Variants in RELB observed in about 807,000 individuals in gnomAD.
RELB encodes transcription factor RelB.
In RELB, 14 loss-of-function variants were observed where a neutral mutation model predicts 55.4. That is an observed-to-expected ratio of 0.25 (90% CI 0.17 to 0.40). The LOEUF (loss-of-function observed/expected upper bound fraction) is 0.40. RELB is among the 10% of genes least tolerant of loss of function. RELB has a pLI of 1.00. For missense variants in RELB, 669 were observed against 830.7 expected, an observed-to-expected ratio of 0.81 and a Z score of 2.39; for synonymous variants, 409 against 371.3, an observed-to-expected ratio of 1.10 and a Z score of -1.17.
chr19:45,010,445 G>C (rs1971336947), intron 3 of RELB, among the ~76,000 whole-genome samples: 2 of 151,838 alleles, frequency 1.3e-5, no homozygotes, highest in South Asian at 4.2e-4. Flanking sequence ...TGATAGCCCG[G>C]TGTGGGAGAC....
At chr19:45,004,689 G>A (rs988953672) in intron 2 of RELB, among the ~76,000 whole-genome samples, 1 of 151,600 alleles carries the variant, frequency 6.6e-6, no homozygotes, top group African/African-American at 2.4e-5. Context: ...CCAACATGGA[G>A]AAACACCATC....
chr19:45,030,957 T>G (rs1971613806), intron 8 of RELB, among the ~76,000 whole-genome samples: 1 of 152,206 alleles, frequency 6.6e-6, no homozygotes, highest in Non-Finnish European at 1.5e-5. Flanking sequence ...ACTTCACCTC[T>G]CTGTGCCTTC....
At chr19:45,004,808 C>G (rs528390222) in intron 2 of RELB, among the ~76,000 whole-genome samples, 2 of 147,776 alleles carry the variant, frequency 1.4e-5, no homozygotes, top group South Asian at 4.4e-4. Flanking sequence ...TGGAGGTTGC[C>G]GTGAGCCGAG....
chr19:45,032,778 C>A (rs10424046), intron 9 of RELB, 29 bp downstream of exon 9: 56 of 1,568,996 alleles, frequency 3.6e-5, no homozygotes, highest in Non-Finnish European at 4.8e-5. Flanking sequence ...GGTGACCCAC[C>A]ACCTCGGAGA....
chr19:45,003,930 T>TTG (rs1555724885), intron 2 of RELB, among the ~76,000 whole-genome samples: 4 of 130,228 alleles, frequency 3.1e-5, no homozygotes, highest in Non-Finnish European at 6.5e-5. Context: ...TTTTTTTTTT[T>TTG]TTTTTTTTTT....
intron 4 of RELB, among the ~76,000 whole-genome samples, chr19:45,021,252 T>G (rs925371762): frequency 6.6e-6 from 1 of 151,758 alleles, no homozygotes; most frequent in Non-Finnish European, 1.5e-5. Context: ...GGCGGGCGGA[T>G]CACGAGGTCA....
At chr19:45,018,738 G>A (rs910422123) in intron 4 of RELB, among the ~76,000 whole-genome samples, 3 of 149,940 alleles carry the variant, frequency 2.0e-5, no homozygotes, top group Non-Finnish European at 3.0e-5. Flanking sequence ...GTGCAATGGC[G>A]CGATCTCGGC....
chr19:45,025,897 A>G (rs1971553027), intron 7 of RELB, among the ~76,000 whole-genome samples, 160 bp downstream of exon 7: 1 of 151,598 alleles, frequency 6.6e-6, no homozygotes, highest in Non-Finnish European at 1.5e-5. Flanking sequence ...CCAGGAGTTC[A>G]AGACCAGCCT....
intron 2 of RELB, chr19:45,008,644 A>G: frequency 2.4e-6 from 1 of 418,468 alleles, no homozygotes; most frequent in Non-Finnish European, 4.9e-6. Flanking sequence ...CAGGAAAACT[A>G]CCTTTCAAGG....
chr19:45,019,269 C>T (rs972891834), intron 4 of RELB, among the ~76,000 whole-genome samples: 3 of 151,988 alleles, frequency 2.0e-5, no homozygotes, highest in Non-Finnish European at 4.4e-5. Context: ...GCACATGTTG[C>T]CCAGGCTGGT....
At chr19:45,024,982 C>T (rs1971539859) in intron 5 of RELB, among the ~76,000 whole-genome samples, 1 of 152,120 alleles carries the variant, frequency 6.6e-6, no homozygotes, top group African/African-American at 2.4e-5. Flanking sequence ...GCCTCAGCCT[C>T]CCGAGTAGCT....
At chr19:45,026,951 C>T (rs955039097) in intron 7 of RELB, among the ~76,000 whole-genome samples, 11 of 152,172 alleles carry the variant, frequency 7.2e-5, no homozygotes, top group East Asian at 5.8e-4. Flanking sequence ...CCAACTTAGC[C>T]GGGCGAGGTG....
chr19:45,003,152 G>A (rs1478046069), intron 2 of RELB, among the ~76,000 whole-genome samples, 156 bp downstream of exon 2: 2 of 152,070 alleles, frequency 1.3e-5, no homozygotes, highest in African/African-American at 2.4e-5. Flanking sequence ...GGCCCCCTAG[G>A]TTTTCTTACC....
intron 8 of RELB, among the ~76,000 whole-genome samples, chr19:45,031,973 T>C (rs377752605): frequency 1.9e-4 from 29 of 151,396 alleles, no homozygotes; most frequent in East Asian, 1.6e-3. Flanking sequence ...TTTGGTGGCT[T>C]ACATCTGTAA....
chr19:45,020,000 C>A (rs909689019), intron 4 of RELB, among the ~76,000 whole-genome samples: 1 of 152,056 alleles, frequency 6.6e-6, no homozygotes, highest in African/African-American at 2.4e-5. Context: ...CTCAGGTGAT[C>A]CCCCACCTCG....
intron 8 of RELB, among the ~76,000 whole-genome samples, chr19:45,030,976 C>G (rs1971614098): frequency 6.6e-6 from 1 of 152,162 alleles, no homozygotes; most frequent in Admixed American, 6.6e-5. Flanking sequence ...TCATTTTCGT[C>G]TTTATACAAT....
At chr19:45,026,524 A>G (rs769533415) in intron 7 of RELB, among the ~76,000 whole-genome samples, 8 of 150,854 alleles carry the variant, frequency 5.3e-5, no homozygotes, top group Non-Finnish European at 1.2e-4. Flanking sequence ...AGCCTGGGCA[A>G]TGGAGAGGGA....
chr19:45,028,200 T>C (rs1971580329), intron 7 of RELB, among the ~76,000 whole-genome samples: 1 of 151,786 alleles, frequency 6.6e-6, no homozygotes, highest in South Asian at 2.1e-4. Context: ...TTTTTCTTTT[T>C]TGAGAGAGAT....
chr19:45,032,810 G>T, intron 9 of RELB, 61 bp downstream of exon 9: 1 of 1,398,448 alleles, frequency 7.2e-7, no homozygotes. Flanking sequence ...GCCTTGGGGA[G>T]ACCCCAGTGG....
Sources: gnomAD v4.1 joint callset for allele counts (sites outside exome capture counted in the v4.1 genomes callset) on GRCh38, gnomAD v4.1.1 for gene constraint, MANE v1.5 for transcripts, NCBI Gene and HGNC (gene_info 2026-07-23, HGNC 2026-07-21) for gene names.